KDM4A: variants seen among roughly 807,000 people sequenced by gnomAD.
The protein encoded by KDM4A is lysine demethylase 4A.
In KDM4A, 23 loss-of-function variants were observed where a neutral mutation model predicts 127.1. The observed-to-expected ratio is 0.18, with a 90% CI of 0.13 to 0.26. The LOEUF is 0.26. Among genes scored for constraint, KDM4A ranks in the 10% least tolerant of loss-of-function variants. KDM4A has a pLI of 1.00. For synonymous variants in KDM4A, 443 were observed against 466.5 expected (o/e 0.95, Z 0.65); for missense variants, 890 against 1,329.1 (o/e 0.67, Z 5.14).
rs756749525 is a variant in KDM4A at position 43,693,561 on chromosome 1, T to G, written c.2376-433T>G. On this transcript the variant is annotated intron_variant, in intron 16 of 21. Coordinates refer to ENST00000372396, the MANE Select transcript of KDM4A (RefSeq NM_014663.3). This position sits in a 1 kb window ranked among gnomAD's most constrained non-coding sequence, Gnocchi z 4.2. ...GGTCATTTCAGCCTGGGGGAGAGGT[T>G]TGGGCAGAGGCCGAGAGAGAGCTGT... 3.3e-5 allele frequency among the ~76,000 whole-genome samples: 5 copies of G among 152,084 alleles called. No homozygotes were observed. The highest frequency in any genetic ancestry group is 6.5e-5 in the Admixed American group (1 of 15,268).
In KDM4A at chr1:43,704,163, G is replaced by A. The variant is rs1456704416; in HGVS notation, c.3054+51G>A. ...TTCCTGTCTTGGAGGGAGGGAACAAGTCAAGGATGCATCCCTTTGTATTGT... is the reference window on the plus strand; with the variant it reads ...TTCCTGTCTTGGAGGGAGGGAACAAATCAAGGATGCATCCCTTTGTATTGT... On this transcript the variant is annotated intron_variant, in intron 21 of 21. Coordinates refer to ENST00000372396, the MANE Select transcript of KDM4A (RefSeq NM_014663.3). 2 of 1,613,216 alleles carry A rather than the reference G, an allele frequency of 1.2e-6. 1 individual carries two copies. Among genetic ancestry groups the A allele is most frequent in the South Asian group, 2.2e-5 (2 of 91,056 alleles).
At chr1:43,664,037 G>A (rs942847077) in intron 5 of KDM4A, among the ~76,000 whole-genome samples, 7 of 152,188 alleles carry the variant, frequency 4.6e-5, no homozygotes, top group Non-Finnish European at 8.8e-5. Flanking sequence ...GGTAGAAAGT[G>A]TGAGAGAATG....
At chr1:43,682,557 C>CTAGA (rs985721096) in intron 11 of KDM4A, among the ~76,000 whole-genome samples, 1 of 152,230 alleles carries the variant, frequency 6.6e-6, no homozygotes, top group African/African-American at 2.4e-5. Context: ...TTCTTTGCTT[C>CTAGA]TCTACACCTT....
intron 1 of KDM4A, among the ~76,000 whole-genome samples, chr1:43,651,397 A>G (rs1189782344): frequency 1.3e-5 from 2 of 152,200 alleles, no homozygotes; most frequent in Non-Finnish European, 2.9e-5. Flanking sequence ...CTGCCATGCA[A>G]AGTTTCTGCC....
rs182792281 is a variant in KDM4A, at chr1:43,701,247, G to A, written c.2842-2370G>A. On this transcript the variant is annotated intron_variant, in intron 19 of 21. Transcript: ENST00000372396. ...AATATTTTAAAAATTACATTTGTTAGTATCACTAATAATCAAAAAACTTGG... is the reference window on the plus strand; with the variant it reads ...AATATTTTAAAAATTACATTTGTTAATATCACTAATAATCAAAAAACTTGG... 1.3e-3 allele frequency among the ~76,000 whole-genome samples: 202 copies of A among 152,182 alleles called. 1 individual carries two copies. The highest frequency in any genetic ancestry group is 4.8e-3 in the African/African-American group (198 of 41,514).
In KDM4A at chr1:43,667,084, C is replaced by T; in HGVS notation, c.908C>T (p.Ala303Val). 1.2e-6 allele frequency: 2 copies of T among 1,614,158 alleles called. No homozygotes were observed. The highest frequency in any genetic ancestry group is 1.7e-6 in the Non-Finnish European group (2 of 1,180,030). Residue 303 changes from alanine to valine, a missense_variant, in exon 8 of 22, where the codon GCT (alanine) becomes GTT (valine). Coordinates refer to ENST00000372396, the MANE Select transcript of KDM4A (RefSeq NM_014663.3). ...TRRWIEYGKQ[A>V]VLCSCRKDMV... ...CGGTGGATTGAGTACGGCAAGCAAG[C>T]TGTGCTGGTAAGTCTGCTTGATTTC...
Position 43,688,622 on chromosome 1 carries a change from G to C in KDM4A, c.1856-292G>C, listed in dbSNP as rs961931116. On this transcript the variant is annotated intron_variant, in intron 12 of 21. Coordinates refer to ENST00000372396, the MANE Select transcript of KDM4A (RefSeq NM_014663.3). The surrounding 1 kb of genome is among the most constrained non-coding windows in gnomAD (Gnocchi z 4.4). ...GGCAGAAGGGCTGAATGTGGCAGCT[G>C]TTAAGGGAGAGTAGAGCAAGCTGAG... Among the ~76,000 whole-genome samples the C allele has an allele frequency of 6.6e-6, 1 of 152,180 alleles. No individual in the cohort carries two copies. The highest frequency in any genetic ancestry group is 1.5e-5 in the Non-Finnish European group (1 of 68,028).
At chr1:43,653,052 TATC>T (rs1365999278) in intron 1 of KDM4A, 82 bp from the exon 2 acceptor site, 17 of 687,764 alleles carry the variant, frequency 2.5e-5, no homozygotes, top group Non-Finnish European at 3.5e-5. Context: ...ATTTCTATAT[TATC>T]TTTTACTGTT....
At position 43,666,993 on chromosome 1, in the gene KDM4A, T is replaced by C. The variant is rs1570828847; in HGVS notation, c.817T>C (p.Tyr273His). Reference protein sequence around the residue: ...EAGEFMITFPYGYHAGFNHGF... With the variant: ...EAGEFMITFPHGYHAGFNHGF... The stretch of plus-strand genomic sequence containing the variant: ...TGGAGAGTTTATGATCACTTTCCCT[T>C]ATGGTTACCATGCCGGCTTTAACCA... The change falls in exon 8 of 22, where the codon TAT (tyrosine) becomes CAT (histidine). Residue 273 changes from tyrosine (Y) to histidine (H), a missense_variant. Coordinates refer to ENST00000372396, the MANE Select transcript of KDM4A (RefSeq NM_014663.3). The C allele has an allele frequency of 6.2e-7, 1 of 1,614,112 alleles. No homozygotes were observed. Among genetic ancestry groups the C allele is most frequent in the East Asian group, 2.2e-5 (1 of 44,878 alleles).
At chr1:43,658,857 C>T (rs914502716) in intron 3 of KDM4A, among the ~76,000 whole-genome samples, 1 of 152,056 alleles carries the variant, frequency 6.6e-6, no homozygotes, top group African/African-American at 2.4e-5. Context: ...TGTTGCTGGT[C>T]TCAAACTCTT....
intron 18 of KDM4A, among the ~76,000 whole-genome samples, chr1:43,695,397 G>T (rs1661218469): frequency 6.6e-6 from 1 of 152,144 alleles, no homozygotes; most frequent in Admixed American, 6.6e-5. Context: ...ATTTGAAGTG[G>T]GTCTTAAACA....
In KDM4A at chr1:43,695,635, A is replaced by C. The variant is rs151228022; in HGVS notation, c.2670+741A>C. Reference sequence around the variant, plus strand: ...AACTTGTTGAATATTTTGATTCTGCATTATAGTTTTTGATAATCACTCAGG... The same window carrying C: ...AACTTGTTGAATATTTTGATTCTGCCTTATAGTTTTTGATAATCACTCAGG... On this transcript the variant is annotated intron_variant, in intron 18 of 21. Coordinates refer to ENST00000372396, the MANE Select transcript of KDM4A (RefSeq NM_014663.3). 5.3e-3 allele frequency among the ~76,000 whole-genome samples: 814 copies of C among 152,340 alleles called. 10 individuals carry two copies. The highest frequency in any genetic ancestry group is 0.019 in the African/African-American group (786 of 41,566).
intron 9 of KDM4A, 32 bp downstream of exon 9, chr1:43,668,051 T>C: frequency 6.2e-7 from 1 of 1,611,344 alleles, no homozygotes; most frequent in South Asian, 1.1e-5. Flanking sequence ...CCTGGCTGCG[T>C]GAGGGAGGGA....
intron 5 of KDM4A, among the ~76,000 whole-genome samples, chr1:43,665,281 C>T (rs963518920): frequency 6.6e-5 from 10 of 152,078 alleles, no homozygotes; most frequent in African/African-American, 2.4e-4. Context: ...TTTCCATCTT[C>T]CTCTTGCCTG....
At position 43,704,631 on chromosome 1, in the gene KDM4A, C is replaced by T. The variant is rs1026847994; in HGVS notation, c.*261C>T. 6.3e-6 allele frequency: 3 copies of T among 475,560 alleles called. No individual in the cohort carries two copies. The highest frequency in any genetic ancestry group is 3.9e-5 in the East Asian group (1 of 25,454). The allele number at this position is 475,560 out of a possible 1,614,324, so 29.5% of individuals were successfully genotyped here. ...ACTGGAATGCTGTGGCTGCACTGGC[C>T]CCAGTCCATAGAGGGGTCAACTATG... On this transcript the variant is annotated 3_prime_UTR_variant, in exon 22 of 22. Transcript: ENST00000372396.
chr1:43,679,296 C>T (rs1660806458), intron 11 of KDM4A, among the ~76,000 whole-genome samples: 2 of 152,182 alleles, frequency 1.3e-5, no homozygotes, highest in Non-Finnish European at 2.9e-5. Context: ...AGGGCTTGGC[C>T]TATGAAACCC....
chr1:43,684,784 C>G (rs550432030), intron 12 of KDM4A, among the ~76,000 whole-genome samples: 115 of 152,264 alleles, frequency 7.6e-4, no homozygotes, highest in African/African-American at 2.7e-3. Flanking sequence ...TAGAAAAGAT[C>G]GCTCCTAGTG....
intron 11 of KDM4A, 92 bp downstream of exon 11, chr1:43,671,967 G>C (rs1322913975): frequency 7.1e-7 from 1 of 1,407,138 alleles, no homozygotes; most frequent in Non-Finnish European, 9.4e-7. Context: ...AGGTGGATCT[G>C]TGTGATGGAG....
chr1:43,657,754 T>C (rs958296682), intron 3 of KDM4A, among the ~76,000 whole-genome samples: 6 of 146,490 alleles, frequency 4.1e-5, no homozygotes, highest in East Asian at 2.0e-4. Flanking sequence ...TCTTTTCTTT[T>C]TTTTTTTTTT....
Sources: allele counts gnomAD v4.1 joint callset (sites outside exome capture counted in the v4.1 genomes callset), GRCh38; gene constraint gnomAD v4.1.1; non-coding constraint Gnocchi (gnomAD v3.1); transcripts MANE v1.5; gene names NCBI Gene and HGNC (gene_info 2026-07-23, HGNC 2026-07-21).